The following PEF1 variants were observed in gnomAD, a reference collection of about 807,000 sequenced individuals.
PEF1 encodes the protein peflin.
PEF1 carries 17 observed loss-of-function variants against 32.0 expected under a neutral mutation model. That is an observed-to-expected ratio of 0.53 (90% CI 0.36 to 0.80). PEF1 has a LOEUF of 0.80. Among genes scored for constraint, PEF1 ranks in the 30% least tolerant of loss-of-function variants. The pLI, the probability that PEF1 is intolerant of heterozygous loss-of-function variation, is 0.00. For synonymous variants in PEF1, 130 were observed against 139.8 expected, an observed-to-expected ratio of 0.93 and a Z score of 0.50; for missense variants, 362 against 369.1, an observed-to-expected ratio of 0.98 and a Z score of 0.16.
intron 1 of PEF1, chr1:31,644,180 A>G (rs530374320): frequency 1.7e-5 from 3 of 171,696 alleles, no homozygotes. Context: ...AATTCTGGCC[A>G]CAGAATCACC....
At chr1:31,631,609 T>C (rs1429387443) in intron 4 of PEF1, among the ~76,000 whole-genome samples, 1 of 152,222 alleles carries the variant, frequency 6.6e-6, no homozygotes, top group African/African-American at 2.4e-5. Flanking sequence ...GATTCTTCAT[T>C]GAAGGGTGTG....
At chr1:31,632,413 G>A (rs1257805762) in intron 4 of PEF1, 82 bp downstream of exon 4, 1 of 1,602,830 alleles carries the variant, frequency 6.2e-7, no homozygotes, top group South Asian at 1.1e-5. Context: ...GTAACAAGAG[G>A]AAACCCCTTT....
Position 31,633,217 on chromosome 1 carries a change from C to A in PEF1, c.423G>T (p.Gln141His). 1 of 1,614,130 alleles carries A rather than the reference C, an allele frequency of 6.2e-7. No homozygotes were observed. Among genetic ancestry groups the A allele is most frequent in the Non-Finnish European group, 8.5e-7 (1 of 1,180,020 alleles). ...AAGACCAATTGCAGTTGACCAGGGC[C>A]TGCTTTAGCTCCTTCATGGAGATAT... ...SGYISMKELK[Q>H]ALVNCNWSSF... The change falls in exon 3 of 5, where the codon CAG becomes CAT. Residue 141 changes from glutamine (Q) to histidine (H), a missense_variant. Coordinates refer to ENST00000373703, the MANE Select transcript of PEF1 (RefSeq NM_012392.4).
At chr1:31,636,117 G>A (rs1005266814) in intron 1 of PEF1, among the ~76,000 whole-genome samples, 27 of 152,058 alleles carry the variant, frequency 1.8e-4, no homozygotes, top group African/African-American at 6.5e-4. Context: ...TATTCCTAAG[G>A]CAATACGATA....
At chr1:31,641,498 C>G (rs1345388094) in intron 1 of PEF1, among the ~76,000 whole-genome samples, 1 of 152,180 alleles carries the variant, frequency 6.6e-6, no homozygotes, top group Non-Finnish European at 1.5e-5. Flanking sequence ...TGGGATCTGG[C>G]CCTTGCTTAC....
At chr1:31,644,503 G>A in intron 1 of PEF1, 2 of 1,297,332 alleles carry the variant, frequency 1.5e-6, no homozygotes, top group Non-Finnish European at 9.8e-7. Flanking sequence ...CTAAACCTCC[G>A]GTCATGGCTG....
chr1:31,637,975 G>A (rs1352091754), intron 1 of PEF1, among the ~76,000 whole-genome samples: 3 of 152,214 alleles, frequency 2.0e-5, no homozygotes, highest in African/African-American at 7.2e-5. Context: ...GTGCGGGGTG[G>A]GGTATAAAGG....
In PEF1 at chr1:31,630,851, G is replaced by T. The variant is rs775229794; in HGVS notation, c.626-9C>A. 14 of 1,597,358 alleles carry T rather than the reference G, an allele frequency of 8.8e-6. No homozygotes were observed. Among genetic ancestry groups the T allele is most frequent in the Non-Finnish European group, 1.1e-5 (13 of 1,174,464 alleles). On this transcript the variant is annotated splice_polypyrimidine_tract_variant and intron_variant, in intron 4 of 4. Transcript: ENST00000373703. ...GCCCATTTGGGACAGAGCTGGAGAA[G>T]AGGGGCACACAGACCAGACACACAA...
chr1:31,644,649 A>G, intron 1 of PEF1, 192 bp downstream of exon 1: 1 of 1,439,686 alleles, frequency 6.9e-7, no homozygotes, highest in Non-Finnish European at 9.1e-7. Flanking sequence ...CGACCTCGCG[A>G]ATGTGCGGTC....
chr1:31,634,355 C>T (rs544564536), intron 2 of PEF1, among the ~76,000 whole-genome samples: 1 of 152,302 alleles, frequency 6.6e-6, no homozygotes, highest in Non-Finnish European at 1.5e-5. Context: ...TCCTTACTAG[C>T]TTGTGTGACT....
intron 1 of PEF1, among the ~76,000 whole-genome samples, chr1:31,642,102 G>A (rs1377161483): frequency 2.6e-5 from 4 of 152,128 alleles, no homozygotes; most frequent in African/African-American, 7.2e-5. Context: ...GTGTGGTGGC[G>A]TGCGCCTGTA....
chr1:31,635,316 T>C lies in PEF1; in HGVS notation c.231A>G (p.Pro77=), dbSNP rs150509599. 35 of 1,613,994 alleles carry C rather than the reference T, an allele frequency of 2.2e-5. No individual in the cohort carries two copies. The African/African-American group carries it at 4.4e-4, about 20-fold the overall frequency. ...PNPGMFPSGT[P]GGPYGGAAPG... is the part of the protein sequence containing the mutation. ...GAGCTGCACCGCCATATGGTCCTCC[T>C]GGAGTTCCAGAGGGGAACATCCCAG... Residue 77 remains proline (P), a synonymous_variant, in exon 2 of 5, where the codon CCA becomes CCG. Coordinates refer to ENST00000373703, the MANE Select transcript of PEF1 (RefSeq NM_012392.4).
At chr1:31,639,229 C>T (rs963227618) in intron 1 of PEF1, among the ~76,000 whole-genome samples, 3 of 152,300 alleles carry the variant, frequency 2.0e-5, no homozygotes, top group Middle Eastern at 3.4e-3. Context: ...TGAGTTAAAC[C>T]GCAGAGCCAA....
chr1:31,630,910 T>C, intron 4 of PEF1, 68 bp from the exon 5 acceptor site: 1 of 1,299,344 alleles, frequency 7.7e-7, no homozygotes, highest in Non-Finnish European at 1.1e-6. Context: ...CAATCAGGAA[T>C]ACTGGATCAC....
intron 1 of PEF1, chr1:31,644,425 G>A: frequency 9.1e-7 from 1 of 1,093,580 alleles, no homozygotes; most frequent in Non-Finnish European, 1.1e-6. Flanking sequence ...CTCTGATGCA[G>A]TGTGGGGTGG....
chr1:31,636,576 C>T (rs1233657235), intron 1 of PEF1, among the ~76,000 whole-genome samples: 34 of 152,208 alleles, frequency 2.2e-4, no homozygotes, highest in Admixed American at 2.0e-3. Context: ...GCCTCAACAT[C>T]TTCTGCTATA....
At chr1:31,644,604 A>T in intron 1 of PEF1, 1 of 1,437,414 alleles carries the variant, frequency 7.0e-7, no homozygotes, top group South Asian at 1.5e-5. Flanking sequence ...AAGGTCCCCA[A>T]ATCCTCGAGT....
intron 2 of PEF1, among the ~76,000 whole-genome samples, chr1:31,633,870 G>A (rs999179270): frequency 2.6e-5 from 4 of 151,800 alleles, no homozygotes; most frequent in African/African-American, 4.8e-5. Flanking sequence ...CAGGAGAATC[G>A]CTTGAACCCG....
intron 4 of PEF1, 83 bp from the exon 5 acceptor site, chr1:31,630,925 G>A: frequency 8.4e-7 from 1 of 1,184,068 alleles, no homozygotes. Flanking sequence ...GATCACAACA[G>A]TTCAAGGAAC....
Sources: gnomAD v4.1 joint callset for allele counts (sites outside exome capture counted in the v4.1 genomes callset) on GRCh38, gnomAD v4.1.1 for gene constraint, MANE v1.5 for transcripts, NCBI Gene and HGNC (gene_info 2026-07-23, HGNC 2026-07-21) for gene names.